The following DIP2C variants were observed in gnomAD, a reference collection of about 807,000 sequenced individuals.
The protein encoded by DIP2C is disco-interacting protein 2 homolog C.
DIP2C carries 33 observed loss-of-function variants against 192.4 expected under a neutral mutation model. The observed-to-expected ratio is 0.17, with a 90% CI of 0.13 to 0.23. The LOEUF (loss-of-function observed/expected upper bound fraction) is 0.23. DIP2C is among the 10% of genes least tolerant of loss of function. The probability of loss-of-function intolerance (pLI) is 1.00; values close to 1 mark genes in which losing one functional copy is unlikely to be tolerated. For synonymous variants in DIP2C, 979 were observed against 864.1 expected (o/e 1.13, Z -2.33); for missense variants, 1,537 against 2,110.1 (o/e 0.73, Z 5.32).
At chr10:602,480 C>G (rs1157081275) in intron 1 of DIP2C, among the ~76,000 whole-genome samples, 1 of 152,202 alleles carries the variant, frequency 6.6e-6, no homozygotes, top group African/African-American at 2.4e-5. Flanking sequence ...TGGGAGGCCT[C>G]GCTCTCAGGA....
At chr10:578,253 C>G (rs1850303553) in intron 1 of DIP2C, among the ~76,000 whole-genome samples, 1 of 152,166 alleles carries the variant, frequency 6.6e-6, no homozygotes, top group South Asian at 2.1e-4. Flanking sequence ...TGTTTATATT[C>G]ACAACACTAG....
At chr10:535,688 G>A (rs1330602445) in intron 1 of DIP2C, among the ~76,000 whole-genome samples, 1 of 152,052 alleles carries the variant, frequency 6.6e-6, no homozygotes, top group Non-Finnish European at 1.5e-5. Context: ...CAATGTTACA[G>A]TCTGATCATA....
intron 32 of DIP2C, among the ~76,000 whole-genome samples, chr10:307,369 A>G (rs1956370598): frequency 6.6e-6 from 1 of 152,234 alleles, no homozygotes; most frequent in South Asian, 2.1e-4. Context: ...ACATGCTGGT[A>G]AAGGTTGAAA....
At chr10:314,900 GAC>G (rs777213469) in intron 31 of DIP2C, among the ~76,000 whole-genome samples, 7 of 152,306 alleles carry the variant, frequency 4.6e-5, no homozygotes, top group African/African-American at 1.2e-4. Context: ...TTTGGAGGGG[GAC>G]ACAGACATTC....
chr10:421,496 C>G (rs1966177443), intron 5 of DIP2C, among the ~76,000 whole-genome samples: 2 of 152,002 alleles, frequency 1.3e-5, no homozygotes, highest in South Asian at 4.1e-4. Flanking sequence ...TCCTGGGATC[C>G]AATATACACA....
At position 327,179 on chromosome 10, in the gene DIP2C, G is replaced by A; in HGVS notation, c.3754-3C>T. 1.2e-6 allele frequency: 2 copies of A among 1,612,714 alleles called. No individual in the cohort carries two copies. The highest frequency in any genetic ancestry group is 2.2e-5 in the East Asian group (1 of 44,866). ...CGGGACAAGTCCAGCCCTCGCGCCT[G>A]GAGATGATGACAGAGAAACCGAGTC... is the stretch of plus-strand genomic sequence containing the variant. On this transcript the variant is annotated splice_region_variant and splice_polypyrimidine_tract_variant and intron_variant, in intron 30 of 36. Transcript: ENST00000280886.
chr10:492,154 C>T (rs1432655010), intron 1 of DIP2C, among the ~76,000 whole-genome samples: 4 of 152,350 alleles, frequency 2.6e-5, no homozygotes, highest in South Asian at 2.1e-4. Flanking sequence ...GGAGACACTC[C>T]AGCTCTGGGG....
intron 4 of DIP2C, among the ~76,000 whole-genome samples, chr10:433,768 A>G (rs1966954895): frequency 6.6e-6 from 1 of 152,190 alleles, no homozygotes; most frequent in African/African-American, 2.4e-5. Context: ...CTTTATATCT[A>G]AAGTAGATTT....
chr10:487,780 T>C (rs984756033), intron 1 of DIP2C, among the ~76,000 whole-genome samples: 3 of 151,958 alleles, frequency 2.0e-5, no homozygotes, highest in African/African-American at 7.3e-5. Context: ...GGTTTCACCA[T>C]GTTAGCCAGG....
chr10:620,057 C>T (rs1194448113), intron 1 of DIP2C, among the ~76,000 whole-genome samples: 4 of 152,204 alleles, frequency 2.6e-5, no homozygotes, highest in African/African-American at 9.6e-5. Context: ...CAAGAACATT[C>T]TGGATCACAA....
rs545427416 is a variant in DIP2C at position 314,723 on chromosome 10, A to G, written c.3925-4631T>C. Among the ~76,000 whole-genome samples, 3 of 152,294 alleles carry G rather than the reference A, an allele frequency of 2.0e-5. No individual in the cohort carries two copies. In the East Asian group the frequency reaches 5.8e-4, roughly 29 times the overall value. On this transcript the variant is annotated intron_variant, in intron 31 of 36. Transcript: ENST00000280886. The stretch of plus-strand genomic sequence containing the variant: ...GCTACTCACAGCTCTGGAGTCTAGC[A>G]AGTCCCAGATTGAGGCACCTGCAGA...
At chr10:618,566 C>T (rs1377018053) in intron 1 of DIP2C, among the ~76,000 whole-genome samples, 1 of 143,480 alleles carries the variant, frequency 7.0e-6, no homozygotes, top group East Asian at 2.0e-4. Context: ...TTCACTCCAT[C>T]CCAAAGCTCC....
chr10:620,050 G>C (rs1245193985), intron 1 of DIP2C, among the ~76,000 whole-genome samples: 2 of 152,208 alleles, frequency 1.3e-5, no homozygotes, highest in East Asian at 3.9e-4. Context: ...CGGCCCCCAA[G>C]AACATTCTGG....
chr10:467,832 T>G (rs886871610), intron 3 of DIP2C, among the ~76,000 whole-genome samples: 2 of 152,066 alleles, frequency 1.3e-5, no homozygotes, highest in African/African-American at 4.8e-5. Context: ...AGGGATAGCA[T>G]TAGGAGAAAT....
chr10:637,522 A>T (rs1854906275), intron 1 of DIP2C, among the ~76,000 whole-genome samples: 1 of 152,162 alleles, frequency 6.6e-6, no homozygotes, highest in Admixed American at 6.5e-5. Context: ...CACACAGTGG[A>T]AGGAGCGAGG....
chr10:377,077 C>T (rs1257756584), intron 17 of DIP2C, among the ~76,000 whole-genome samples: 4 of 151,812 alleles, frequency 2.6e-5, no homozygotes, highest in Non-Finnish European at 5.9e-5. Flanking sequence ...GCCCATTTTA[C>T]AAGCTGCACA....
chr10:643,988 T>A (rs1855327596), intron 1 of DIP2C, among the ~76,000 whole-genome samples: 1 of 152,240 alleles, frequency 6.6e-6, no homozygotes, highest in Non-Finnish European at 1.5e-5. Context: ...TGATTCCAGT[T>A]CTGTTCATTC....
In DIP2C at chr10:666,164, T is replaced by C. The variant is rs956652929; in HGVS notation, c.85+23330A>G. The C allele has an allele frequency of 3.9e-5, 6 of 152,170 alleles. No individual in the cohort carries two copies. The highest frequency in any genetic ancestry group is 1.4e-4 in the African/African-American group (6 of 41,436). The allele number at this position is 152,170 out of a possible 1,614,324, so 9.4% of individuals were successfully genotyped here. ...TACGAGTCCGGGTGACATATGTAAT[T>C]GTGAGTTTTTGTTTTCTCCGAACTG... On this transcript the variant is annotated intron_variant, in intron 1 of 36. Transcript: ENST00000280886. The surrounding 1 kb of genome is among the most constrained non-coding windows in gnomAD (Gnocchi z 4.1).
At chr10:377,921 T>C (rs192809445) in intron 17 of DIP2C, among the ~76,000 whole-genome samples, 54 of 152,226 alleles carry the variant, frequency 3.5e-4, no homozygotes, top group Non-Finnish European at 6.0e-4. Context: ...ACTTTGTAGT[T>C]ACAAAGCTAA....
Sources: gnomAD v4.1 joint callset for allele counts (sites outside exome capture counted in the v4.1 genomes callset) on GRCh38, gnomAD v4.1.1 for gene constraint, Gnocchi (gnomAD v3.1) non-coding constraint, MANE v1.5 for transcripts, NCBI Gene and HGNC (gene_info 2026-07-23, HGNC 2026-07-21) for gene names.